The following CYP4F2 variants were observed in gnomAD, a reference collection of about 807,000 sequenced individuals.
CYP4F2 encodes the protein cytochrome P450 family 4 subfamily F member 2.
CYP4F2 carries 58 observed loss-of-function variants against 58.9 expected under a neutral mutation model. That is an observed-to-expected ratio of 0.98 (90% CI 0.80 to 1.23). The LOEUF is 1.23. Among genes scored for constraint, CYP4F2 ranks in the 50% most tolerant of loss-of-function variants. The pLI is 0.00. For synonymous variants in CYP4F2, 287 were observed against 261.1 expected, an observed-to-expected ratio of 1.10 and a Z score of -0.95; for missense variants, 616 against 685.6, an observed-to-expected ratio of 0.90 and a Z score of 1.13.
intron 7 of CYP4F2, 25 bp from the exon 8 acceptor site, chr19:15,886,333 C>CCA (rs1555774509): frequency 6.2e-7 from 1 of 1,602,022 alleles, no homozygotes; most frequent in African/African-American, 1.3e-5. Context: ...GTAACCCCCC[C>CCA]CAACCCCCAC....
Position 15,878,711 on chromosome 19 carries a change from G to C in CYP4F2, c.*60C>G. ...GAACAGGGTCTTAGGGTAATTCTAG[G>C]CTTCACTTTTGATGAATCAGGGGTC... On this transcript the variant is annotated 3_prime_UTR_variant, in exon 13 of 13. Coordinates refer to ENST00000221700, the MANE Select transcript of CYP4F2 (RefSeq NM_001082.5). The C allele has an allele frequency of 6.3e-7, 1 of 1,599,370 alleles. No individual in the cohort carries two copies. Among genetic ancestry groups the C allele is most frequent in the Non-Finnish European group, 8.5e-7 (1 of 1,171,566 alleles).
At chr19:15,879,287 C>T (rs2089327633) in intron 12 of CYP4F2, 59 bp downstream of exon 12, 2 of 1,582,076 alleles carry the variant, frequency 1.3e-6, no homozygotes, top group Non-Finnish European at 1.7e-6. Flanking sequence ...TCCCCACTGT[C>T]ATGCCCAGAC....
intron 3 of CYP4F2, chr19:15,893,970 G>A (rs1368351459): frequency 4.4e-6 from 1 of 224,916 alleles, no homozygotes; most frequent in Non-Finnish European, 9.5e-6. Flanking sequence ...CCCTCTCCCT[G>A]AGAATTTCAA....
chr19:15,881,078 G>A (rs1272762464), intron 9 of CYP4F2, among the ~76,000 whole-genome samples: 1 of 152,096 alleles, frequency 6.6e-6, no homozygotes, highest in Non-Finnish European at 1.5e-5. Flanking sequence ...CACATTGATG[G>A]GAAGATGTTT....
chr19:15,894,865 G>T lies in CYP4F2; in HGVS notation c.343+641C>A, dbSNP rs73928256. On this transcript the variant is annotated intron_variant, in intron 3 of 12. Transcript: ENST00000221700. ...CCGGGACCTGCAGCAGGAGAGCAAC[G>T]AACTTAGGGCAGACAAGCTATAGGA... 8.1e-3 allele frequency among the ~76,000 whole-genome samples: 1,228 copies of T among 152,228 alleles called. 16 individuals carry two copies. Among genetic ancestry groups the T allele is most frequent in the African/African-American group, 0.027 (1,119 of 41,534 alleles).
chr19:15,879,424 T>A lies in CYP4F2; in HGVS notation c.1319A>T (p.Tyr440Phe), dbSNP rs746723884. The change falls in exon 12 of 13, where the codon TAC becomes TTC. Residue 440 changes from tyrosine (Y) to phenylalanine (F), a missense_variant. Coordinates refer to ENST00000221700, the MANE Select transcript of CYP4F2 (RefSeq NM_001082.5). Reference sequence around the variant, plus strand: ...CTCTGGGTCAAAGCGAAAGGGGTCGTAGACCTGGAGGTGAGACCAAGAAGG... The same window carrying A: ...CTCTGGGTCAAAGCGAAAGGGGTCGAAGACCTGGAGGTGAGACCAAGAAGG... ...NPAVWPDPEV[Y>F]DPFRFDPENI... 5 of 1,613,974 alleles carry A rather than the reference T, an allele frequency of 3.1e-6. No homozygotes were observed. The Admixed American group carries it at 8.3e-5, about 27-fold the overall frequency.
At position 15,879,846 on chromosome 19, in the gene CYP4F2, C is replaced by A. The variant is rs1216260318; in HGVS notation, c.1167G>T (p.Leu389=). Residue 389 remains leucine, a synonymous_variant, in exon 10 of 13, where the codon CTG becomes CTT. Transcript: ENST00000221700. The part of the protein sequence containing the change: ...PFLTMCMKES[L]RLHPPVPVIS... ...TGACCGGGACTGGGGGATGCAGCCG[C>A]AGGCTCTCCTTCATGCACATGGTCA... is the stretch of plus-strand genomic sequence containing the variant. 1 of 1,614,058 alleles carries A rather than the reference C, an allele frequency of 6.2e-7. No individual in the cohort carries two copies. Among genetic ancestry groups the A allele is most frequent in the East Asian group, 2.2e-5 (1 of 44,878 alleles).
chr19:15,886,835 C>G (rs1485626470), intron 7 of CYP4F2, among the ~76,000 whole-genome samples: 1 of 152,232 alleles, frequency 6.6e-6, no homozygotes, highest in Non-Finnish European at 1.5e-5. Flanking sequence ...CTCTCTTTCT[C>G]TGTCTCTCTC....
intron 9 of CYP4F2, among the ~76,000 whole-genome samples, chr19:15,883,806 A>G (rs2089359264): frequency 6.6e-6 from 1 of 152,178 alleles, no homozygotes; most frequent in Non-Finnish European, 1.5e-5. Context: ...CATGCCTGTA[A>G]TCCCAGCACT....
At position 15,887,832 on chromosome 19, in the gene CYP4F2, A is replaced by C. The variant is rs186777552; in HGVS notation, c.919-1524T>G. 5.3e-5 allele frequency among the ~76,000 whole-genome samples: 8 copies of C among 152,296 alleles called. No homozygotes were observed. In the East Asian group the frequency reaches 1.5e-3, roughly 29 times the overall value. ...ATCACAGACTTAGAAACACAAACAC[A>C]CATAAACATAGACATAGACACAGAC... is the stretch of plus-strand genomic sequence containing the variant. On this transcript the variant is annotated intron_variant, in intron 7 of 12. Coordinates refer to ENST00000221700, the MANE Select transcript of CYP4F2 (RefSeq NM_001082.5).
At chr19:15,884,747 A>G (rs1049759006) in intron 9 of CYP4F2, among the ~76,000 whole-genome samples, 1 of 152,174 alleles carries the variant, frequency 6.6e-6, no homozygotes, top group Non-Finnish European at 1.5e-5. Flanking sequence ...AATCCAAGAC[A>G]TCCGTCCATT....
chr19:15,895,869 C>G (rs1327242482), intron 2 of CYP4F2, among the ~76,000 whole-genome samples: 1 of 109,832 alleles, frequency 9.1e-6, no homozygotes, highest in African/African-American at 3.2e-5. Flanking sequence ...ATATATTCAT[C>G]TGTCTGTCTG....
chr19:15,888,788 A>G (rs111073294), intron 7 of CYP4F2, among the ~76,000 whole-genome samples: 7,468 of 152,336 alleles, frequency 0.049, 198 homozygotes, highest in Non-Finnish European at 0.06. Flanking sequence ...TGACATAGAC[A>G]TAGCCATAGA....
In CYP4F2 at chr19:15,885,948, T is replaced by A; in HGVS notation, c.1091A>T (p.Asp364Val). ...CRQEVQELLKDREPKEIEWDD... is the reference protein window; with the variant it reads ...CRQEVQELLKVREPKEIEWDD... ...CCATTCAATCTCTTTAGGCTCACGGTCCTTCAGAAGTTCTTGCACCTCCTG... is the reference window on the plus strand; with the variant it reads ...CCATTCAATCTCTTTAGGCTCACGGACCTTCAGAAGTTCTTGCACCTCCTG... Residue 364 changes from aspartate to valine, a missense_variant, in exon 9 of 13, where the codon GAC (aspartate) becomes GTC (valine). Transcript: ENST00000221700. The A allele has an allele frequency of 6.2e-7, 1 of 1,613,988 alleles. No homozygotes were observed.
At position 15,895,514 on chromosome 19, in the gene CYP4F2, T is replaced by C; in HGVS notation, c.335A>G (p.Asn112Ser). Reference protein sequence around the residue: ...CHPDIIRSVINASAAIAPKDK... With the variant: ...CHPDIIRSVISASAAIAPKDK... ...GCTGTTCCAGATGGTACCTGAGGCG[T>C]TGATGACAGACCGGATGATGTCGGG... The change falls in exon 3 of 13, where the codon AAC becomes AGC. Residue 112 changes from asparagine to serine, a missense_variant. Transcript: ENST00000221700. 6.6e-7 allele frequency: 1 copy of C among 1,524,704 alleles called. No individual in the cohort carries two copies. The highest frequency in any genetic ancestry group is 8.7e-7 in the Non-Finnish European group (1 of 1,146,202). The allele number at this position is 1,524,704 out of a possible 1,614,324, so 94.4% of individuals were successfully genotyped here.
At chr19:15,886,700 C>G (rs1285542826) in intron 7 of CYP4F2, among the ~76,000 whole-genome samples, 1 of 152,140 alleles carries the variant, frequency 6.6e-6, no homozygotes, top group Non-Finnish European at 1.5e-5. Flanking sequence ...AGAATCTTAT[C>G]CCCCTGGAGA....
rs769729747 is a variant in CYP4F2 at position 15,895,487 on chromosome 19, C to T, written c.343+19G>A. 1.9e-5 allele frequency: 28 copies of T among 1,484,052 alleles called. No individual in the cohort carries two copies. Among genetic ancestry groups the T allele is most frequent in the Non-Finnish European group, 2.5e-5 (28 of 1,124,286 alleles). 91.9% of individuals were successfully genotyped at this position (1,484,052 alleles called of 1,614,324 possible). On this transcript the variant is annotated intron_variant, in intron 3 of 12. Transcript: ENST00000221700. ...GCAGGCCTCAAATGCACTGCCCCAC[C>T]AGCTGTTCCAGATGGTACCTGAGGC...
At chr19:15,885,474 G>A (rs1028810279) in intron 9 of CYP4F2, among the ~76,000 whole-genome samples, 3 of 152,114 alleles carry the variant, frequency 2.0e-5, no homozygotes, top group Admixed American at 6.6e-5. Flanking sequence ...AGGATGGGAC[G>A]GATGAACAGT....
chr19:15,890,277 C>A (rs769046302), intron 6 of CYP4F2, 35 bp downstream of exon 6: 1 of 1,613,380 alleles, frequency 6.2e-7, no homozygotes, highest in African/African-American at 1.3e-5. Context: ...TTTGGGTCCA[C>A]AGCCCAAGAT....
Sources: allele counts gnomAD v4.1 joint callset (sites outside exome capture counted in the v4.1 genomes callset), GRCh38; gene constraint gnomAD v4.1.1; transcripts MANE v1.5; gene names NCBI Gene and HGNC (gene_info 2026-07-23, HGNC 2026-07-21).